KAT6B: variants seen among roughly 807,000 people sequenced by gnomAD.
The protein encoded by KAT6B is lysine acetyltransferase 6B.
Under a neutral mutation model 187.5 loss-of-function variants are expected in KAT6B, and 10 were observed. That is an observed-to-expected ratio of 0.05 (90% CI 0.03 to 0.09). The LOEUF (loss-of-function observed/expected upper bound fraction) is 0.09. Among genes scored for constraint, KAT6B ranks in the 10% least tolerant of loss-of-function variants. The pLI is 1.00. For missense variants in KAT6B, 1,952 were observed against 2,558.9 expected (o/e 0.76, Z 5.12); for synonymous variants, 861 against 926.8 (o/e 0.93, Z 1.29).
intron 8 of KAT6B, chr10:74,976,536 A>G (rs972392908): frequency 6.5e-6 from 4 of 618,362 alleles, no homozygotes; most frequent in Admixed American, 2.7e-5. Context: ...TCCAACTAAT[A>G]CTCTCCCACC....
At position 75,022,093 on chromosome 10, in the gene KAT6B, GGAGGAGGAAGAAGAGGAGGAAGAA is replaced by G. The variant is rs201769534; in HGVS notation, c.3240_3263del (p.Glu1082_Glu1089del). The G allele has an allele frequency of 6.2e-7, 1 of 1,607,276 alleles. No individual in the cohort carries two copies. The highest frequency in any genetic ancestry group is 8.5e-7 in the Non-Finnish European group (1 of 1,174,480). On this transcript the variant is annotated inframe_deletion, in exon 16 of 18. Transcript: ENST00000287239. Reference sequence around the variant, plus strand: ...AAGAAGAAGAGGAGGAGGAGGACGAGGAGGAGGAAGAAGAGGAGGAAGAAGAGGAAGAGGATGAAGAGGAGGAAG... The same window carrying G: ...AAGAAGAAGAGGAGGAGGAGGACGAGGAGGAAGAGGATGAAGAGGAGGAAG...
intron 3 of KAT6B, among the ~76,000 whole-genome samples, chr10:74,881,383 T>C (rs781024076): frequency 5.3e-5 from 8 of 152,134 alleles, no homozygotes; most frequent in Non-Finnish European, 1.0e-4. Context: ...TTCACTGAGG[T>C]AATCTGTATA....
At chr10:74,986,833 G>A (rs2133843854) in intron 12 of KAT6B, among the ~76,000 whole-genome samples, 1 of 152,294 alleles carries the variant, frequency 6.6e-6, no homozygotes, top group South Asian at 2.1e-4. Flanking sequence ...TTCTTTCATT[G>A]TCTGTGGATT....
At chr10:74,831,017 G>A (rs1419007772) in intron 1 of KAT6B, among the ~76,000 whole-genome samples, 1 of 151,536 alleles carries the variant, frequency 6.6e-6, no homozygotes, top group Admixed American at 6.6e-5. Context: ...TCAAACTCCT[G>A]ATCTCAGTTG....
chr10:74,986,589 C>T (rs771784887), intron 12 of KAT6B, among the ~76,000 whole-genome samples: 2 of 152,092 alleles, frequency 1.3e-5, no homozygotes, highest in Non-Finnish European at 2.9e-5. Flanking sequence ...AAAACTGTCT[C>T]AGTGTTTTAA....
chr10:74,901,649 C>A (rs539938909), intron 3 of KAT6B, among the ~76,000 whole-genome samples: 1 of 152,202 alleles, frequency 6.6e-6, no homozygotes, highest in East Asian at 1.9e-4. Context: ...AATAAGGCTG[C>A]TGTCTTGGTG....
chr10:75,023,410 A>C (rs1845586118), intron 16 of KAT6B: 2 of 152,374 alleles, frequency 1.3e-5, no homozygotes, highest in South Asian at 4.1e-4. Context: ...TTCAGGCTTA[A>C]GAATAATGTT....
rs886534412 is a variant in KAT6B, at chr10:75,021,165, C to T, written c.2901C>T (p.His967=). ...IIRREKLILS[H]MEKLKTCSRA... ...GACGGGAAAAGTTGATATTGAGCCA[C>T]ATGGAAAAGCTGAAAACCTGTTCCA... Residue 967 remains histidine, a synonymous_variant, in exon 15 of 18, where the codon CAC becomes CAT. Coordinates refer to ENST00000287239, the MANE Select transcript of KAT6B (RefSeq NM_012330.4). 2.5e-6 allele frequency: 4 copies of T among 1,614,054 alleles called. No homozygotes were observed. The Admixed American group carries it at 5.0e-5, about 20-fold the overall frequency.
intron 3 of KAT6B, among the ~76,000 whole-genome samples, chr10:74,868,285 G>A (rs1013786860): frequency 3.3e-5 from 5 of 152,026 alleles, no homozygotes; most frequent in Admixed American, 2.0e-4. Flanking sequence ...GCCCAGGCTC[G>A]TCTTGAACTC....
intron 3 of KAT6B, among the ~76,000 whole-genome samples, chr10:74,917,679 A>C (rs934543053): frequency 6.6e-6 from 1 of 152,264 alleles, no homozygotes; most frequent in Non-Finnish European, 1.5e-5. Flanking sequence ...TCCCTAGAGA[A>C]GAGAGAGTTG....
chr10:74,949,405 G>C (rs950581357), intron 3 of KAT6B, among the ~76,000 whole-genome samples: 6 of 152,020 alleles, frequency 3.9e-5, no homozygotes, highest in African/African-American at 1.5e-4. Context: ...AAATTTGTAG[G>C]CTTCATCTAC....
At position 74,843,442 on chromosome 10, in the gene KAT6B, C is replaced by T. The variant is rs1841884905; in HGVS notation, c.585C>T (p.Leu195=). Reference sequence around the variant, plus strand: ...ATCCCAGTGCATTCCCATCCTCGCTCCCACCTGTCAGCCTTCTACCCCATG... The same window carrying T: ...ATCCCAGTGCATTCCCATCCTCGCTTCCACCTGTCAGCCTTCTACCCCATG... The part of the protein sequence containing the change: ...PQYPSAFPSS[L]PPVSLLPHEK... The change falls in exon 3 of 18, where the codon CTC becomes CTT. Residue 195 remains leucine, a synonymous_variant. Coordinates refer to ENST00000287239, the MANE Select transcript of KAT6B (RefSeq NM_012330.4). 4 of 1,613,924 alleles carry T rather than the reference C, an allele frequency of 2.5e-6. No individual in the cohort carries two copies. The highest frequency in any genetic ancestry group is 3.4e-6 in the Non-Finnish European group (4 of 1,180,036).
Position 75,030,108 on chromosome 10 carries a change from A to G in KAT6B, c.5284A>G (p.Ser1762Gly), listed in dbSNP as rs1318665902. 1.2e-6 allele frequency: 2 copies of G among 1,614,244 alleles called. No individual in the cohort carries two copies. Among genetic ancestry groups the G allele is most frequent in the Non-Finnish European group, 8.5e-7 (1 of 1,180,042 alleles). Residue 1762 changes from serine to glycine, a missense_variant, in exon 18 of 18, where the codon AGC becomes GGC. Ser to Gly is a moderately conservative substitution (Grantham distance 56). Coordinates refer to ENST00000287239, the MANE Select transcript of KAT6B (RefSeq NM_012330.4). This position sits in a 1 kb window ranked among gnomAD's most constrained non-coding sequence, Gnocchi z 4.8. Reference sequence around the variant, plus strand: ...CTGTGTGGTGGAGAGGCCTCCGAGCAGCAGCCAGCAGCTGGCTCAGTGCAG... The same window carrying G: ...CTGTGTGGTGGAGAGGCCTCCGAGCGGCAGCCAGCAGCTGGCTCAGTGCAG... ...QGCVVERPPS[S>G]SQQLAQCSMA...
intron 3 of KAT6B, among the ~76,000 whole-genome samples, chr10:74,900,829 G>C (rs977038850): frequency 6.6e-6 from 1 of 152,144 alleles, no homozygotes; most frequent in African/African-American, 2.4e-5. Flanking sequence ...TTGGGGGAGT[G>C]GGGGTTAAAC....
intron 13 of KAT6B, among the ~76,000 whole-genome samples, chr10:75,003,721 A>C (rs1456741434): frequency 6.6e-6 from 1 of 152,140 alleles, no homozygotes; most frequent in African/African-American, 2.4e-5. Flanking sequence ...TATTGGTCTG[A>C]GGTACAATAT....
intron 9 of KAT6B, 148 bp downstream of exon 9, chr10:74,977,585 T>C: frequency 9.6e-7 from 1 of 1,036,344 alleles, no homozygotes. Context: ...CTACTGACTG[T>C]ACATTCAAAA....
intron 17 of KAT6B, chr10:75,025,597 T>G (rs1263362747): frequency 7.1e-6 from 2 of 283,470 alleles, no homozygotes; most frequent in East Asian, 1.6e-4. Context: ...TAGTTATTTC[T>G]GAAATCAAGG....
chr10:74,863,430 T>C (rs1045778734), intron 3 of KAT6B, among the ~76,000 whole-genome samples: 14 of 152,208 alleles, frequency 9.2e-5, no homozygotes, highest in Non-Finnish European at 1.9e-4. Flanking sequence ...TACTAAAAAT[T>C]TGTGCATGTG....
At chr10:74,957,552 T>TAA (rs746242407) in intron 3 of KAT6B, among the ~76,000 whole-genome samples, 2 of 152,224 alleles carry the variant, frequency 1.3e-5, no homozygotes, top group Non-Finnish European at 2.9e-5. Context: ...CTCTCACAGC[T>TAA]AAAAATTCAT....
Sources: allele counts gnomAD v4.1 joint callset (sites outside exome capture counted in the v4.1 genomes callset), GRCh38; gene constraint gnomAD v4.1.1; non-coding constraint Gnocchi (gnomAD v3.1); transcripts MANE v1.5; gene names NCBI Gene and HGNC (gene_info 2026-07-23, HGNC 2026-07-21).